Variants in OPCML observed in about 807,000 individuals in gnomAD.
The protein encoded by OPCML is opioid binding protein/cell adhesion molecule like, also known as opioid-binding protein/cell adhesion molecule.
Under a neutral mutation model 37.8 loss-of-function variants are expected in OPCML, and 13 were observed. The observed-to-expected ratio is 0.34, with a 90% confidence interval of 0.22 to 0.55. The LOEUF (loss-of-function observed/expected upper bound fraction) is 0.55. Among genes scored for constraint, OPCML ranks in the 20% least tolerant of loss-of-function variants. The pLI is 0.91. For synonymous variants in OPCML, 176 were observed against 168.8 expected (o/e 1.04, Z -0.33); for missense variants, 341 against 435.6 (o/e 0.78, Z 1.93).
intron 1 of OPCML, among the ~76,000 whole-genome samples, chr11:133,438,568 G>A (rs1946292241): frequency 6.6e-6 from 1 of 152,192 alleles, no homozygotes; most frequent in Non-Finnish European, 1.5e-5. Context: ...ATGAATGCTA[G>A]GTATGACACA....
chr11:133,102,302 C>T (rs945888466), intron 1 of OPCML, among the ~76,000 whole-genome samples: 1 of 152,140 alleles, frequency 6.6e-6, no homozygotes, highest in African/African-American at 2.4e-5. Context: ...GCAGCATGAA[C>T]AGGGGCAGAT....
chr11:132,443,794 G>A (rs2096044850), intron 4 of OPCML, among the ~76,000 whole-genome samples: 1 of 152,222 alleles, frequency 6.6e-6, no homozygotes, highest in Non-Finnish European at 1.5e-5. Context: ...TGCAGGGAAA[G>A]GTACAGACTG....
intron 1 of OPCML, chr11:133,421,472 A>G: frequency 1.0e-6 from 1 of 985,414 alleles, no homozygotes; most frequent in Non-Finnish European, 1.2e-6. Flanking sequence ...GGAAATTATC[A>G]TTTCTATGGC....
chr11:132,845,534 G>A (rs1202370643), intron 2 of OPCML, among the ~76,000 whole-genome samples: 1 of 152,130 alleles, frequency 6.6e-6, no homozygotes, highest in African/African-American at 2.4e-5. Flanking sequence ...CTATGGGGAG[G>A]GATTAGCTGG....
chr11:133,038,228 A>G (rs1947818196), intron 1 of OPCML, among the ~76,000 whole-genome samples: 1 of 152,182 alleles, frequency 6.6e-6, no homozygotes, highest in African/African-American at 2.4e-5. Context: ...CAGCCATGCC[A>G]TGTGGGCCAT....
chr11:133,027,661 G>A (rs1219493521), intron 1 of OPCML, among the ~76,000 whole-genome samples: 1 of 144,370 alleles, frequency 6.9e-6, no homozygotes, highest in African/African-American at 2.6e-5. Context: ...CATGTGTGGG[G>A]CGTGTGGTGT....
chr11:132,901,913 A>C (rs113500730), intron 2 of OPCML, among the ~76,000 whole-genome samples: 167 of 152,348 alleles, frequency 1.1e-3, no homozygotes, highest in African/African-American at 3.9e-3. Context: ...CTTGGTACTT[A>C]AAGAAATCCT....
At chr11:132,847,204 AACGAAAAC>A (rs1364436946) in intron 2 of OPCML, among the ~76,000 whole-genome samples, 1 of 152,242 alleles carries the variant, frequency 6.6e-6, no homozygotes, top group Non-Finnish European at 1.5e-5. Context: ...GGATAAAAAG[AACGAAAAC>A]CAGTAGGAAG....
intron 3 of OPCML, among the ~76,000 whole-genome samples, chr11:132,552,803 G>A (rs1203496700): frequency 4.0e-5 from 4 of 100,238 alleles, no homozygotes; most frequent in African/African-American, 1.9e-4. Context: ...GTCTCGCTCT[G>A]TCTCCCAGGC....
At chr11:133,463,514 C>A (rs1248628473) in intron 1 of OPCML, among the ~76,000 whole-genome samples, 1 of 152,132 alleles carries the variant, frequency 6.6e-6, no homozygotes, top group Non-Finnish European at 1.5e-5. Context: ...CCTATTTATA[C>A]TCTTACCAAC....
At chr11:133,377,834 A>G (rs1479401165) in intron 1 of OPCML, among the ~76,000 whole-genome samples, 1 of 152,104 alleles carries the variant, frequency 6.6e-6, no homozygotes, top group Non-Finnish European at 1.5e-5. Flanking sequence ...GCCCAGATGA[A>G]TAGAGAGGGA....
At position 132,417,117 on chromosome 11, in the gene OPCML, C is replaced by G. The variant is rs1014098120; in HGVS notation, c.*3076G>C. On this transcript the variant is annotated 3_prime_UTR_variant, in exon 8 of 8. Transcript: ENST00000524381. ...GACTTGTATGTTTTGTCCTGCCTTGCCCCCACCCCATGCCCACTACTGGCA... is the reference window on the plus strand; with the variant it reads ...GACTTGTATGTTTTGTCCTGCCTTGGCCCCACCCCATGCCCACTACTGGCA... 6.6e-6 allele frequency: 1 copy of G among 152,570 alleles called. No homozygotes were observed. The highest frequency in any genetic ancestry group is 6.5e-5 in the Admixed American group (1 of 15,276). The allele number at this position is 152,570 out of a possible 1,614,324, so 9.5% of individuals were successfully genotyped here. A position where few individuals can be genotyped will look rare whatever the true frequency, so the allele number is the denominator to read the frequency against.
intron 2 of OPCML, among the ~76,000 whole-genome samples, chr11:132,917,656 T>C (rs191074409): frequency 9.3e-4 from 141 of 152,216 alleles, no homozygotes; most frequent in African/African-American, 3.3e-3. Context: ...GTTGCCATGG[T>C]ACCTGGAACT....
chr11:132,610,577 G>A (rs1009976017), intron 3 of OPCML, among the ~76,000 whole-genome samples: 4 of 152,282 alleles, frequency 2.6e-5, no homozygotes, highest in Middle Eastern at 3.4e-3. Flanking sequence ...TTTTGCAATC[G>A]TTGCCGCTGA....
intron 1 of OPCML, chr11:133,298,420 A>G (rs1187496754): frequency 9.2e-5 from 14 of 152,196 alleles, no homozygotes; most frequent in Non-Finnish European, 1.5e-4. Context: ...TCAAGTAAAG[A>G]GCATAGAAAA....
intron 1 of OPCML, chr11:133,420,886 T>C (rs746504911): frequency 2.3e-5 from 23 of 985,312 alleles, no homozygotes; most frequent in Non-Finnish European, 2.7e-5. Context: ...TATGAGCGTC[T>C]CATGAGCCTT....
At chr11:133,433,135 T>C (rs914127634) in intron 1 of OPCML, among the ~76,000 whole-genome samples, 2 of 152,046 alleles carry the variant, frequency 1.3e-5, no homozygotes, top group African/African-American at 4.8e-5. Flanking sequence ...CGAAGTTTTA[T>C]TTGGTTACTT....
intron 2 of OPCML, among the ~76,000 whole-genome samples, chr11:132,907,275 G>T (rs1011328645): frequency 1.3e-5 from 2 of 152,124 alleles, no homozygotes; most frequent in Non-Finnish European, 2.9e-5. Context: ...TTCCATGGGG[G>T]TTCATGCCTG....
chr11:132,787,287 G>A (rs868624565), intron 2 of OPCML, among the ~76,000 whole-genome samples: 4 of 152,288 alleles, frequency 2.6e-5, no homozygotes, highest in Middle Eastern at 3.4e-3. Context: ...ATGCATGACT[G>A]TGAGCAAAAT....
Sources: gnomAD v4.1 joint callset for allele counts (sites outside exome capture counted in the v4.1 genomes callset) on GRCh38, gnomAD v4.1.1 for gene constraint, MANE v1.5 for transcripts, NCBI Gene and HGNC (gene_info 2026-07-23, HGNC 2026-07-21) for gene names.